ASTN2: variants seen among roughly 807,000 people sequenced by gnomAD.
The protein encoded by ASTN2 is astrotactin 2, also known as astrotactin-2.
A neutral mutation model predicts 139.8 loss-of-function variants in ASTN2; 54 were observed. That is an observed-to-expected ratio of 0.39 (90% confidence interval 0.31 to 0.48). ASTN2 has a LOEUF of 0.48. ASTN2 is among the 20% of genes least tolerant of loss of function. The pLI is 0.95. For missense variants in ASTN2, 1,565 were observed against 1,725.1 expected (o/e 0.91, Z 1.64); for synonymous variants, 756 against 719.5 (o/e 1.05, Z -0.81).
At chr9:116,426,560 G>GA (rs1021763333) in intron 22 of ASTN2, among the ~76,000 whole-genome samples, 7 of 152,204 alleles carry the variant, frequency 4.6e-5, no homozygotes, top group Non-Finnish European at 1.0e-4. Context: ...GCAAGGCTCA[G>GA]AATAATGACA....
rs1390281204 is a variant in ASTN2 at position 116,732,737 on chromosome 9, GGAGA to G, written c.2521+658_2521+661del. On this transcript the variant is annotated intron_variant, in intron 14 of 22. Coordinates refer to ENST00000313400, the MANE Select transcript of ASTN2 (RefSeq NM_001365068.1). ...AGCCTGCAAAAGGCAACTTCCCAGT[GGAGA>G]GAGAAAGTGGTTGCAGGGGTGGGGG... Among the ~76,000 whole-genome samples, 3 of 152,200 alleles carry G rather than the reference GGAGA, an allele frequency of 2.0e-5. No homozygotes were observed. The East Asian group carries it at 5.8e-4, about 29-fold the overall frequency.
At chr9:117,296,444 G>A (rs999083202) in intron 1 of ASTN2, among the ~76,000 whole-genome samples, 5 of 152,084 alleles carry the variant, frequency 3.3e-5, no homozygotes, top group African/African-American at 1.2e-4. Flanking sequence ...TTAAAAACAG[G>A]TTAATAGAAC....
At chr9:117,404,826 A>G (rs1830934696) in intron 1 of ASTN2, among the ~76,000 whole-genome samples, 1 of 152,010 alleles carries the variant, frequency 6.6e-6, no homozygotes, top group African/African-American at 2.4e-5. Context: ...CAACTCTCTA[A>G]GAGTTGGGAG....
At chr9:116,893,653 T>A (rs1428906040) in intron 10 of ASTN2, among the ~76,000 whole-genome samples, 3 of 152,106 alleles carry the variant, frequency 2.0e-5, no homozygotes, top group Non-Finnish European at 4.4e-5. Flanking sequence ...CACCAAGACA[T>A]GCAGTTATTA....
intron 6 of ASTN2, among the ~76,000 whole-genome samples, chr9:117,011,943 C>A (rs1218266102): frequency 6.6e-6 from 1 of 152,112 alleles, no homozygotes; most frequent in African/African-American, 2.4e-5. Context: ...CTGTGAATTC[C>A]TCTTTAGTGC....
At chr9:117,252,222 A>G (rs1833558480) in intron 2 of ASTN2, among the ~76,000 whole-genome samples, 1 of 152,236 alleles carries the variant, frequency 6.6e-6, no homozygotes, top group African/African-American at 2.4e-5. Flanking sequence ...AAGGGACAGT[A>G]GGATGCCCCC....
chr9:117,115,502 G>A (rs780932183), intron 4 of ASTN2, among the ~76,000 whole-genome samples: 1 of 152,122 alleles, frequency 6.6e-6, no homozygotes, highest in East Asian at 1.9e-4. Context: ...CAGCCTGGGC[G>A]ACAGAGTGAG....
intron 5 of ASTN2, among the ~76,000 whole-genome samples, chr9:117,088,201 C>T (rs1828616917): frequency 6.6e-6 from 1 of 152,158 alleles, no homozygotes; most frequent in South Asian, 2.1e-4. Flanking sequence ...GGCACAGTTG[C>T]TGCCTCTTTC....
chr9:117,029,044 T>A (rs1381145899), intron 6 of ASTN2, among the ~76,000 whole-genome samples: 1 of 152,152 alleles, frequency 6.6e-6, no homozygotes, highest in Admixed American at 6.5e-5. Context: ...TCTATCACAT[T>A]CTGTGGATGT....
At chr9:117,392,897 G>A (rs1830579145) in intron 1 of ASTN2, among the ~76,000 whole-genome samples, 2 of 152,162 alleles carry the variant, frequency 1.3e-5, no homozygotes, top group Non-Finnish European at 1.5e-5. Context: ...AGACACTCAG[G>A]TCTCTACCAG....
intron 1 of ASTN2, among the ~76,000 whole-genome samples, chr9:117,348,199 C>T (rs1829283311): frequency 6.6e-6 from 1 of 152,102 alleles, no homozygotes; most frequent in African/African-American, 2.4e-5. Flanking sequence ...GCAATTTGGT[C>T]AAAGGCAAAA....
chr9:116,471,464 G>A (rs892636111), intron 20 of ASTN2, among the ~76,000 whole-genome samples: 1 of 152,176 alleles, frequency 6.6e-6, no homozygotes, highest in Admixed American at 6.5e-5. Context: ...CCTCACACAT[G>A]CTAATGCAAA....
At chr9:116,569,777 GA>G (rs1237010656) in intron 19 of ASTN2, among the ~76,000 whole-genome samples, 4 of 152,188 alleles carry the variant, frequency 2.6e-5, no homozygotes, top group African/African-American at 9.7e-5. Flanking sequence ...GCCTCAGCAG[GA>G]ACTTTGGGAA....
At chr9:116,452,898 C>G (rs962461756) in intron 20 of ASTN2, among the ~76,000 whole-genome samples, 1 of 152,228 alleles carries the variant, frequency 6.6e-6, no homozygotes, top group African/African-American at 2.4e-5. Flanking sequence ...CCTTTCAACA[C>G]TGACATCACT....
At chr9:116,798,750 A>G (rs539068729) in intron 13 of ASTN2, among the ~76,000 whole-genome samples, 31 of 152,314 alleles carry the variant, frequency 2.0e-4, no homozygotes, top group African/African-American at 7.2e-4. Flanking sequence ...GTTTCTCACT[A>G]TGAAAGCATT....
chr9:116,638,099 C>T (rs1857159137), intron 17 of ASTN2, among the ~76,000 whole-genome samples: 2 of 152,254 alleles, frequency 1.3e-5, no homozygotes, highest in Admixed American at 1.3e-4. Flanking sequence ...GCCTAGATGC[C>T]TGTATAAACC....
chr9:117,392,003 A>T (rs1429480570), intron 1 of ASTN2, among the ~76,000 whole-genome samples: 1 of 152,172 alleles, frequency 6.6e-6, no homozygotes, highest in East Asian at 1.9e-4. Flanking sequence ...ATGCTGATAC[A>T]AGATGTAGGT....
intron 17 of ASTN2, among the ~76,000 whole-genome samples, chr9:116,646,965 T>C (rs1018859263): frequency 6.6e-6 from 1 of 152,192 alleles, no homozygotes; most frequent in Non-Finnish European, 1.5e-5. Context: ...CTTCCTGAAA[T>C]GGGTCACATT....
intron 2 of ASTN2, among the ~76,000 whole-genome samples, chr9:117,263,179 A>T (rs182093604): frequency 6.6e-6 from 1 of 152,306 alleles, no homozygotes; most frequent in East Asian, 1.9e-4. Context: ...AAAAATAAGA[A>T]GGACTCCTTT....
Sources: gnomAD v4.1 joint callset for allele counts (sites outside exome capture counted in the v4.1 genomes callset) on GRCh38, gnomAD v4.1.1 for gene constraint, MANE v1.5 for transcripts, NCBI Gene and HGNC (gene_info 2026-07-23, HGNC 2026-07-21) for gene names.